The following EPHB2 variants were observed in gnomAD, a reference collection of about 807,000 sequenced individuals.
EPHB2 encodes the protein ephrin type-B receptor 2.
Under a neutral mutation model 96.4 loss-of-function variants are expected in EPHB2, and 18 were observed. That is an observed-to-expected ratio of 0.19 (90% CI 0.13 to 0.28). EPHB2 has a LOEUF of 0.28. EPHB2 is among the 10% of genes least tolerant of loss of function. The probability of loss-of-function intolerance (pLI) is 1.00; values close to 1 mark genes in which losing one functional copy is unlikely to be tolerated. For missense variants in EPHB2, 989 were observed against 1,355.4 expected, an observed-to-expected ratio of 0.73 and a Z score of 4.25; for synonymous variants, 506 against 534.1, an observed-to-expected ratio of 0.95 and a Z score of 0.72.
At chr1:22,785,630 A>G (rs1359633693) in intron 3 of EPHB2, among the ~76,000 whole-genome samples, 1 of 152,198 alleles carries the variant, frequency 6.6e-6, no homozygotes, top group Non-Finnish European at 1.5e-5. Flanking sequence ...TGCCATCTGC[A>G]GGGCAGACAG....
intron 1 of EPHB2, among the ~76,000 whole-genome samples, chr1:22,756,492 G>A (rs973392088): frequency 5.9e-5 from 9 of 152,164 alleles, no homozygotes; most frequent in African/African-American, 9.7e-5. Flanking sequence ...CCCTTCGCCC[G>A]TGGGCGGCTT....
intron 1 of EPHB2, among the ~76,000 whole-genome samples, chr1:22,766,193 C>A (rs1204783364): frequency 1.3e-5 from 2 of 152,324 alleles, no homozygotes; most frequent in East Asian, 3.9e-4. Context: ...AGAGTCCCAG[C>A]ACTACCACTG....
At chr1:22,905,354 G>C (rs1189001567) in intron 9 of EPHB2, among the ~76,000 whole-genome samples, 1 of 152,176 alleles carries the variant, frequency 6.6e-6, no homozygotes, top group African/African-American at 2.4e-5. Context: ...TTGGCTAGAG[G>C]GGGACCTGGG....
Position 22,875,683 on chromosome 1 carries a change from T to C in EPHB2, c.1304-6676T>C, listed in dbSNP as rs533526291. 2.0e-5 allele frequency among the ~76,000 whole-genome samples: 3 copies of C among 152,250 alleles called. No homozygotes were observed. Among genetic ancestry groups the C allele is most frequent in the African/African-American group, 7.2e-5 (3 of 41,552 alleles). On this transcript the variant is annotated intron_variant, in intron 5 of 15. Transcript: ENST00000374630. This position sits in a 1 kb window ranked among gnomAD's most constrained non-coding sequence, Gnocchi z 4.2. ...TCTTCGTTTCTTCCTCCAGTAAATA[T>C]TGGTCATGCACCTACTCCAAGCCAC... is the stretch of plus-strand genomic sequence containing the variant.
At chr1:22,857,917 T>C (rs1216137842) in intron 3 of EPHB2, among the ~76,000 whole-genome samples, 5 of 152,154 alleles carry the variant, frequency 3.3e-5, no homozygotes, top group African/African-American at 7.2e-5. Flanking sequence ...CCTTTCCAGG[T>C]ACTTTCAGTG....
intron 3 of EPHB2, among the ~76,000 whole-genome samples, chr1:22,823,394 G>C (rs931196281): frequency 6.6e-6 from 1 of 152,212 alleles, no homozygotes; most frequent in African/African-American, 2.4e-5. Context: ...TCTTCAGCCA[G>C]TGCCCTGTAT....
intron 1 of EPHB2, among the ~76,000 whole-genome samples, chr1:22,728,968 G>A (rs964019811): frequency 1.3e-5 from 2 of 152,222 alleles, no homozygotes; most frequent in East Asian, 1.9e-4. Context: ...CCAGCTGCAC[G>A]CGGCGGGCCA....
At position 22,753,660 on chromosome 1, in the gene EPHB2, G is replaced by T. The variant is rs556187820; in HGVS notation, c.62-27761G>T. Among the ~76,000 whole-genome samples the T allele has an allele frequency of 3.0e-3, 450 of 152,270 alleles. 2 individuals carry two copies. The highest frequency in any genetic ancestry group is 0.01 in the African/African-American group (423 of 41,530). On this transcript the variant is annotated intron_variant, in intron 1 of 15. Transcript: ENST00000374630. ...CTTTGGCTGTGCCCAGGCTGCCTGTGGGGGAGAGGCAGGAGATGAGGCTGC... is the reference window on the plus strand; with the variant it reads ...CTTTGGCTGTGCCCAGGCTGCCTGTTGGGGAGAGGCAGGAGATGAGGCTGC...
At chr1:22,884,374 C>T (rs1371452919) in intron 6 of EPHB2, among the ~76,000 whole-genome samples, 3 of 152,096 alleles carry the variant, frequency 2.0e-5, no homozygotes, top group Non-Finnish European at 4.4e-5. Flanking sequence ...GGCATGGTGG[C>T]GCACACCTGT....
chr1:22,734,455 T>C (rs1272347190), intron 1 of EPHB2, among the ~76,000 whole-genome samples: 3 of 148,262 alleles, frequency 2.0e-5, no homozygotes, highest in African/African-American at 5.0e-5. Context: ...TGAGTTTCGC[T>C]CTATTGCCCA....
chr1:22,748,888 T>C (rs564182205), intron 1 of EPHB2, among the ~76,000 whole-genome samples: 3 of 150,190 alleles, frequency 2.0e-5, no homozygotes, highest in Admixed American at 1.3e-4. Context: ...AAACCAGAAT[T>C]ACTTTTGCAC....
In EPHB2 at chr1:22,784,918, C is replaced by T. The variant is rs1644587166; in HGVS notation, c.653C>T (p.Ser218Leu). Residue 218 changes from serine (S) to leucine (L), a missense_variant, in exon 3 of 16, where the codon TCG becomes TTG. By Grantham distance (145) the Ser-to-Leu change is moderately radical (BLOSUM62 -2). Coordinates refer to ENST00000374630, the MANE Select transcript of EPHB2 (RefSeq NM_017449.5). The surrounding 1 kb of genome is among the most constrained non-coding windows in gnomAD (Gnocchi z 5.1). ...ACCCTGTCGGGGGCTGAGAGCACAT[C>T]GCTGGTGGCTGCCCGGGGCAGCTGC... ...QETLSGAEST[S>L]LVAARGSCIA... 1.2e-6 allele frequency: 2 copies of T among 1,614,010 alleles called. No homozygotes were observed. Among genetic ancestry groups the T allele is most frequent in the East Asian group, 2.2e-5 (1 of 44,890 alleles).
At chr1:22,771,819 T>G (rs889156664) in intron 1 of EPHB2, among the ~76,000 whole-genome samples, 4 of 152,160 alleles carry the variant, frequency 2.6e-5, no homozygotes, top group African/African-American at 9.7e-5. Flanking sequence ...AATTAAAGAA[T>G]CACTGGGCAA....
chr1:22,743,084 G>A (rs1643924227), intron 1 of EPHB2, among the ~76,000 whole-genome samples: 2 of 151,870 alleles, frequency 1.3e-5, no homozygotes, highest in African/African-American at 4.8e-5. Context: ...TAGAGATCGA[G>A]TCTCACTATG....
chr1:22,849,696 T>C (rs1017042832), intron 3 of EPHB2, among the ~76,000 whole-genome samples: 2 of 152,210 alleles, frequency 1.3e-5, no homozygotes, highest in African/African-American at 4.8e-5. Context: ...CTTCGAGCCC[T>C]AAAAGACTCT....
At chr1:22,902,835 A>G (rs187395771) in intron 9 of EPHB2, among the ~76,000 whole-genome samples, 106 of 152,286 alleles carry the variant, frequency 7.0e-4, no homozygotes, top group African/African-American at 2.2e-3. Flanking sequence ...GTGGGTGTGG[A>G]CTCAGGACTG....
At chr1:22,876,245 G>A (rs939832391) in intron 5 of EPHB2, among the ~76,000 whole-genome samples, 7 of 152,232 alleles carry the variant, frequency 4.6e-5, no homozygotes, top group South Asian at 4.2e-4. Flanking sequence ...TGAAAGGGTC[G>A]TAGCTCCGGG....
chr1:22,774,746 G>A (rs1486707396), intron 1 of EPHB2: 1 of 368,130 alleles, frequency 2.7e-6, no homozygotes, highest in East Asian at 1.7e-4. Flanking sequence ...ATGGACTTTA[G>A]GAACATCACC....
At chr1:22,848,679 G>T (rs1645579776) in intron 3 of EPHB2, among the ~76,000 whole-genome samples, 1 of 152,210 alleles carries the variant, frequency 6.6e-6, no homozygotes, top group African/African-American at 2.4e-5. Context: ...CCCTAGGAGG[G>T]AGAGTGATTC....
Sources: gnomAD v4.1 joint callset for allele counts (sites outside exome capture counted in the v4.1 genomes callset) on GRCh38, gnomAD v4.1.1 for gene constraint, Gnocchi (gnomAD v3.1) non-coding constraint, MANE v1.5 for transcripts, NCBI Gene and HGNC (gene_info 2026-07-23, HGNC 2026-07-21) for gene names.